KLHL32: variants seen among roughly 807,000 people sequenced by gnomAD.
KLHL32 encodes the protein kelch like family member 32.
A neutral mutation model predicts 64.8 loss-of-function variants in KLHL32; 35 were observed. That is an observed-to-expected ratio of 0.54 (90% CI 0.41 to 0.72). The LOEUF is 0.72. Among genes scored for constraint, KLHL32 ranks in the 30% least tolerant of loss-of-function variants. The probability of loss-of-function intolerance (pLI) is 0.00; values close to 1 mark genes in which losing one functional copy is unlikely to be tolerated. For missense variants in KLHL32, 589 were observed against 768.5 expected, an observed-to-expected ratio of 0.77 and a Z score of 2.76; for synonymous variants, 259 against 281.0, an observed-to-expected ratio of 0.92 and a Z score of 0.78.
At chr6:97,093,529 A>C (rs1048498564) in intron 6 of KLHL32, among the ~76,000 whole-genome samples, 1 of 152,210 alleles carries the variant, frequency 6.6e-6, no homozygotes, top group African/African-American at 2.4e-5. Flanking sequence ...TATATCTCAT[A>C]AGTCAAACGT....
intron 1 of KLHL32, among the ~76,000 whole-genome samples, chr6:96,941,223 T>A (rs911107680): frequency 3.9e-5 from 6 of 152,244 alleles, no homozygotes; most frequent in African/African-American, 1.4e-4. Context: ...CCTGTTCAAG[T>A]CAGCACTACT....
At chr6:96,938,115 A>G (rs1770836502) in intron 1 of KLHL32, among the ~76,000 whole-genome samples, 1 of 152,234 alleles carries the variant, frequency 6.6e-6, no homozygotes, top group African/African-American at 2.4e-5. Context: ...AGCCCCTAGG[A>G]GTTGACTATT....
At chr6:97,020,238 G>C (rs1299583278) in intron 3 of KLHL32, among the ~76,000 whole-genome samples, 1 of 150,450 alleles carries the variant, frequency 6.6e-6, no homozygotes, top group Non-Finnish European at 1.5e-5. Flanking sequence ...ACTGCACCCA[G>C]CCTATACTAT....
intron 1 of KLHL32, among the ~76,000 whole-genome samples, chr6:96,955,371 G>C (rs981947669): frequency 6.6e-6 from 1 of 152,028 alleles, no homozygotes; most frequent in Admixed American, 6.6e-5. Context: ...GCATCCAACT[G>C]TTCTGTTCTC....
At chr6:97,072,851 A>G (rs563133238) in intron 5 of KLHL32, among the ~76,000 whole-genome samples, 2 of 152,134 alleles carry the variant, frequency 1.3e-5, no homozygotes, top group South Asian at 2.1e-4. Flanking sequence ...GTTTGTGTTA[A>G]TTTACTTATC....
rs148303128 is a variant in KLHL32 at position 97,123,161 on chromosome 6, C to T, written c.1355-4243C>T. Reference sequence around the variant, plus strand: ...GCAGAGCCATCAGACTTGACCCAGTCTGACCATGTACAATGAGAGCAGTTT... The same window carrying T: ...GCAGAGCCATCAGACTTGACCCAGTTTGACCATGTACAATGAGAGCAGTTT... On this transcript the variant is annotated intron_variant, in intron 7 of 10. Transcript: ENST00000369261. Among the ~76,000 whole-genome samples, 73 of 152,320 alleles carry T rather than the reference C, an allele frequency of 4.8e-4. 1 individual carries two copies. The East Asian group carries it at 0.014, about 28-fold the overall frequency.
intron 3 of KLHL32, among the ~76,000 whole-genome samples, chr6:97,007,796 G>GCCCTA (rs1779851919): frequency 1.3e-5 from 2 of 152,284 alleles, no homozygotes; most frequent in Admixed American, 1.3e-4. Context: ...TAACTCTGGG[G>GCCCTA]GGCTGGCAGT....
intron 6 of KLHL32, among the ~76,000 whole-genome samples, chr6:97,109,810 A>G (rs1203788344): frequency 1.3e-5 from 2 of 152,222 alleles, no homozygotes; most frequent in Admixed American, 1.3e-4. Context: ...ATCTATGTGG[A>G]TGCAGAACTG....
At chr6:96,947,618 G>A (rs909809344) in intron 1 of KLHL32, among the ~76,000 whole-genome samples, 2 of 152,020 alleles carry the variant, frequency 1.3e-5, no homozygotes, top group Non-Finnish European at 2.9e-5. Flanking sequence ...TGGTAATTTG[G>A]GAGTACAGAT....
rs1011483946 is a variant in KLHL32 at position 97,085,303 on chromosome 6, G to A, written c.589G>A (p.Asp197Asn). ...YCLLQEVLKS[D>N]RLTSLSEEQI... is the part of the protein sequence containing the mutation. ...CCTGCTTCAGGAGGTGCTGAAGAGC[G>A]ACCGCCTGACCTCCCTGAGTGAAGA... Residue 197 changes from aspartate (D) to asparagine (N), a missense_variant, in exon 6 of 11, where the codon GAC becomes AAC. Asp to Asn is a conservative substitution (Grantham distance 23, BLOSUM62 1). This residue lies in a region of KLHL32 where 226 missense variants were observed against 353.2 expected (regional missense o/e 0.64). Coordinates refer to ENST00000369261, the MANE Select transcript of KLHL32 (RefSeq NM_052904.4). The A allele has an allele frequency of 4.3e-6, 7 of 1,613,004 alleles. No individual in the cohort carries two copies. The highest frequency in any genetic ancestry group is 1.1e-5 in the South Asian group (1 of 90,988).
intron 3 of KLHL32, among the ~76,000 whole-genome samples, chr6:97,040,478 G>A (rs141054915): frequency 6.6e-6 from 1 of 152,266 alleles, no homozygotes; most frequent in African/African-American, 2.4e-5. Flanking sequence ...AAATTCAAGT[G>A]GGCATGAGAG....
intron 1 of KLHL32, among the ~76,000 whole-genome samples, chr6:96,939,726 T>C (rs12663369): frequency 0.32 from 48,510 of 151,748 alleles, 8,046 homozygotes; most frequent in African/African-American, 0.4. Flanking sequence ...CACAGGCCTA[T>C]AAAGATAGGT....
intron 3 of KLHL32, among the ~76,000 whole-genome samples, chr6:96,978,823 T>C (rs983387985): frequency 1.3e-5 from 2 of 152,240 alleles, no homozygotes; most frequent in African/African-American, 4.8e-5. Context: ...TTTTACTTTT[T>C]AATCATAGTC....
chr6:96,974,001 C>T (rs1401455252), intron 2 of KLHL32, among the ~76,000 whole-genome samples: 3 of 152,092 alleles, frequency 2.0e-5, no homozygotes. Context: ...GGATTACAGG[C>T]ATGAGCCACC....
At chr6:96,899,205 A>G in the KLHL32 span, among the ~76,000 whole-genome samples, 1 of 152,236 alleles carries the variant, frequency 6.6e-6, no homozygotes, top group Non-Finnish European at 1.5e-5. Context: ...AGAAGCTGAA[A>G]TCAGTGATCT....
At chr6:97,091,981 C>CTTTTTTTTTTTTTTTTTTTTTTTT (rs11340950) in intron 6 of KLHL32, among the ~76,000 whole-genome samples, 2 of 132,380 alleles carry the variant, frequency 1.5e-5, no homozygotes, top group Non-Finnish European at 1.6e-5. Flanking sequence ...CTCTTTCTTT[C>CTTTTTTTTTTTTTTTTTTTTTTTT]TTTTTTTTTT....
chr6:97,130,618 T>C, intron 8 of KLHL32, 139 bp from the exon 9 acceptor site: 1 of 600,478 alleles, frequency 1.7e-6, no homozygotes. Context: ...CCTTTCAATA[T>C]ATATAAACAA....
intron 1 of KLHL32, among the ~76,000 whole-genome samples, chr6:96,952,330 C>T (rs1199983634): frequency 1.3e-5 from 2 of 152,134 alleles, no homozygotes; most frequent in Admixed American, 1.3e-4. Context: ...AGTTTGGTGA[C>T]TTTTTGTGAC....
chr6:97,096,109 A>T (rs1314221733), intron 6 of KLHL32, among the ~76,000 whole-genome samples: 1 of 152,168 alleles, frequency 6.6e-6, no homozygotes, highest in Non-Finnish European at 1.5e-5. Flanking sequence ...TATTAGTTAT[A>T]TACCCCATCT....
Sources: gnomAD v4.1 joint callset for allele counts (sites outside exome capture counted in the v4.1 genomes callset) on GRCh38, gnomAD v4.1.1 for gene constraint, gnomAD v4.1.1 regional missense constraint, MANE v1.5 for transcripts, NCBI Gene and HGNC (gene_info 2026-07-23, HGNC 2026-07-21) for gene names.